CTNNA3: variants seen among roughly 807,000 people sequenced by gnomAD.
CTNNA3 encodes the protein catenin alpha 3.
A neutral mutation model predicts 95.7 loss-of-function variants in CTNNA3; 76 were observed. The observed-to-expected ratio is 0.79, with a 90% CI of 0.66 to 0.96. The LOEUF is 0.96. CTNNA3 is among the 40% of genes least tolerant of loss of function. The pLI is 0.00. For synonymous variants in CTNNA3, 431 were observed against 374.4 expected (o/e 1.15, Z -1.74); for missense variants, 1,191 against 1,089.8 (o/e 1.09, Z -1.31).
chr10:66,811,031 C>T (rs889730830), intron 7 of CTNNA3, among the ~76,000 whole-genome samples: 6 of 152,084 alleles, frequency 3.9e-5, no homozygotes, highest in Non-Finnish European at 8.8e-5. Flanking sequence ...TTTAGATAAA[C>T]GCAAATTGAA....
intron 9 of CTNNA3, among the ~76,000 whole-genome samples, chr10:66,763,260 G>C (rs1416827761): frequency 6.6e-6 from 1 of 151,160 alleles, no homozygotes; most frequent in Non-Finnish European, 1.5e-5. Flanking sequence ...TTCAAAAACA[G>C]ATTTTTCTGG....
intron 11 of CTNNA3, among the ~76,000 whole-genome samples, chr10:66,492,263 T>C (rs1251734496): frequency 6.6e-6 from 1 of 152,062 alleles, no homozygotes; most frequent in African/African-American, 2.4e-5. Flanking sequence ...CAATTTCTAG[T>C]GAATTCATCA....
At chr10:66,385,272 C>G (rs553415057) in intron 11 of CTNNA3, among the ~76,000 whole-genome samples, 2 of 152,126 alleles carry the variant, frequency 1.3e-5, no homozygotes, top group Admixed American at 1.3e-4. Flanking sequence ...ACCACCGATC[C>G]CACAGAAATA....
chr10:67,750,355 T>C, intron 1 of CTNNA3: 1 of 1,510,202 alleles, frequency 6.6e-7, no homozygotes, highest in Non-Finnish European at 9.2e-7. Flanking sequence ...GGAAGTCTCC[T>C]CTCGGCAAAG....
chr10:66,028,905 G>GA (rs1391261574), intron 15 of CTNNA3, among the ~76,000 whole-genome samples: 4 of 151,808 alleles, frequency 2.6e-5, no homozygotes, highest in South Asian at 2.1e-4. Context: ...GTGCAGTGGG[G>GA]AAAAAAACAA....
chr10:67,257,358 T>G (rs1043000482), intron 5 of CTNNA3, among the ~76,000 whole-genome samples: 8 of 152,222 alleles, frequency 5.3e-5, no homozygotes, highest in Admixed American at 4.6e-4. Context: ...AAGCACAAAT[T>G]TCAGTTTAAA....
intron 10 of CTNNA3, among the ~76,000 whole-genome samples, chr10:66,587,269 T>G (rs1368790367): frequency 3.3e-5 from 5 of 152,154 alleles, no homozygotes; most frequent in Non-Finnish European, 7.3e-5. Flanking sequence ...GCTTCCTGAG[T>G]GCTGGGTTAT....
intron 7 of CTNNA3, among the ~76,000 whole-genome samples, chr10:66,988,786 C>T (rs892994718): frequency 3.3e-5 from 5 of 152,042 alleles, no homozygotes; most frequent in Non-Finnish European, 7.4e-5. Context: ...TACTTATTCT[C>T]ATTTCCTAAT....
chr10:66,685,192 T>C (rs1420424990), intron 9 of CTNNA3, among the ~76,000 whole-genome samples: 3 of 76,894 alleles, frequency 3.9e-5, no homozygotes, highest in Non-Finnish European at 7.5e-5. Flanking sequence ...TATATATACG[T>C]GTATATATAT....
chr10:66,841,265 T>C (rs539969956), intron 7 of CTNNA3, among the ~76,000 whole-genome samples: 1 of 151,014 alleles, frequency 6.6e-6, no homozygotes, highest in Non-Finnish European at 1.5e-5. Context: ...ATATGTAGGG[T>C]TGATACTGTT....
At chr10:66,022,479 C>T (rs1189140893) in intron 15 of CTNNA3, among the ~76,000 whole-genome samples, 1 of 152,026 alleles carries the variant, frequency 6.6e-6, no homozygotes, top group African/African-American at 2.4e-5. Context: ...TGTTCCATGA[C>T]CTGAGATGCA....
At chr10:66,629,981 T>C (rs1845074997) in intron 9 of CTNNA3, among the ~76,000 whole-genome samples, 1 of 152,286 alleles carries the variant, frequency 6.6e-6, no homozygotes, top group South Asian at 2.1e-4. Context: ...AGATTTTTCC[T>C]TCAGAGCATG....
chr10:67,673,490 T>C (rs1840479981), intron 1 of CTNNA3, among the ~76,000 whole-genome samples: 1 of 151,958 alleles, frequency 6.6e-6, no homozygotes, highest in Non-Finnish European at 1.5e-5. Context: ...TGATATTGGC[T>C]GTGGGTTTGT....
At chr10:66,617,891 A>C (rs74849772) in intron 10 of CTNNA3, among the ~76,000 whole-genome samples, 46,643 of 150,228 alleles carry the variant, frequency 0.31, 7,942 homozygotes, top group Middle Eastern at 0.49. Flanking sequence ...ATGTACAAAA[A>C]TCACAAGCAT....
intron 7 of CTNNA3, among the ~76,000 whole-genome samples, chr10:66,851,606 C>G (rs547445955): frequency 1.8e-5 from 1 of 55,456 alleles, no homozygotes; most frequent in East Asian, 3.4e-4. Context: ...GTGTGGCATC[C>G]CCACCCACCT....
chr10:67,160,420 A>C (rs1020081178), intron 7 of CTNNA3, among the ~76,000 whole-genome samples: 1 of 149,918 alleles, frequency 6.7e-6, no homozygotes, highest in African/African-American at 2.5e-5. Flanking sequence ...ATGCACTCTC[A>C]TATTCATCAC....
chr10:66,570,153 C>T (rs1440657035), intron 10 of CTNNA3, among the ~76,000 whole-genome samples: 1 of 152,132 alleles, frequency 6.6e-6, no homozygotes, highest in Non-Finnish European at 1.5e-5. Context: ...AGGGATACTT[C>T]AGTTAGAAGT....
At chr10:67,344,929 A>G (rs1437707811) in intron 5 of CTNNA3, among the ~76,000 whole-genome samples, 1 of 151,006 alleles carries the variant, frequency 6.6e-6, no homozygotes, top group Non-Finnish European at 1.5e-5. Context: ...AAAATTCCTC[A>G]TTATGTTATT....
At chr10:67,203,213 G>T (rs1589858266) in intron 6 of CTNNA3, among the ~76,000 whole-genome samples, 1 of 152,170 alleles carries the variant, frequency 6.6e-6, no homozygotes, top group African/African-American at 2.4e-5. Context: ...GAAGATAAAT[G>T]AATCATGGGG....
Sources: gnomAD v4.1 joint callset for allele counts (sites outside exome capture counted in the v4.1 genomes callset) on GRCh38, gnomAD v4.1.1 for gene constraint, MANE v1.5 for transcripts, NCBI Gene and HGNC (gene_info 2026-07-23, HGNC 2026-07-21) for gene names.